CWC27: variants seen among roughly 807,000 people sequenced by gnomAD.
CWC27 encodes the protein spliceosome-associated protein CWC27 homolog.
A neutral mutation model predicts 63.6 loss-of-function variants in CWC27; 47 were observed. The ratio of observed to expected loss-of-function variants is 0.74; its 90% CI spans 0.58 to 0.94. The LOEUF (loss-of-function observed/expected upper bound fraction) is 0.94, where lower values mean the gene tolerates loss of function less well. CWC27 is among the 40% of genes least tolerant of loss of function. The pLI, the probability that CWC27 is intolerant of heterozygous loss-of-function variation, is 0.00. For synonymous variants in CWC27, 175 were observed against 179.8 expected (o/e 0.97, Z 0.22); for missense variants, 495 against 554.3 (o/e 0.89, Z 1.07).
At chr5:64,802,970 A>AT (rs1294698958) in intron 9 of CWC27, among the ~76,000 whole-genome samples, 1 of 151,990 alleles carries the variant, frequency 6.6e-6, no homozygotes, top group Admixed American at 6.6e-5. Flanking sequence ...TTTGCAGGGA[A>AT]TTTTTTTTAG....
chr5:64,782,419 G>T (rs1217471852), intron 3 of CWC27, among the ~76,000 whole-genome samples: 1 of 144,342 alleles, frequency 6.9e-6, no homozygotes, highest in Non-Finnish European at 1.5e-5. Context: ...ATGCACTCCA[G>T]CCTGGGCGAC....
chr5:64,870,011 T>C (rs1746628384), intron 10 of CWC27, among the ~76,000 whole-genome samples: 1 of 152,018 alleles, frequency 6.6e-6, no homozygotes, highest in South Asian at 2.1e-4. Flanking sequence ...AGTGAAAAGG[T>C]ATTAATTCCC....
chr5:64,807,155 A>T (rs1208469075), intron 10 of CWC27, among the ~76,000 whole-genome samples: 2 of 152,174 alleles, frequency 1.3e-5, no homozygotes, highest in Non-Finnish European at 2.9e-5. Context: ...TCATTCTTCC[A>T]TTTAAGCAGT....
At chr5:64,973,311 C>T (rs1749158604) in intron 12 of CWC27, among the ~76,000 whole-genome samples, 2 of 152,190 alleles carry the variant, frequency 1.3e-5, no homozygotes. Flanking sequence ...AGGAAGATCT[C>T]TCTAACTGGG....
At chr5:64,982,422 C>G (rs1749345524) in intron 13 of CWC27, among the ~76,000 whole-genome samples, 1 of 151,926 alleles carries the variant, frequency 6.6e-6, no homozygotes, top group African/African-American at 2.4e-5. Flanking sequence ...GTTCCAGGCT[C>G]AAGTGATCCT....
intron 10 of CWC27, among the ~76,000 whole-genome samples, chr5:64,811,677 A>G (rs1561418296): frequency 6.6e-6 from 1 of 152,052 alleles, no homozygotes; most frequent in Non-Finnish European, 1.5e-5. Flanking sequence ...CATTTTTAAG[A>G]AAAAATGATC....
At chr5:65,003,556 G>A (rs899923208) in intron 13 of CWC27, among the ~76,000 whole-genome samples, 4 of 152,114 alleles carry the variant, frequency 2.6e-5, no homozygotes, top group South Asian at 2.1e-4. Flanking sequence ...TCAGGTATAC[G>A]AGTCCCTTAA....
chr5:64,828,527 A>C (rs73101347), intron 10 of CWC27, among the ~76,000 whole-genome samples: 1 of 151,988 alleles, frequency 6.6e-6, no homozygotes, highest in East Asian at 1.9e-4. Context: ...GTTCATAGGC[A>C]GCTGTCTTTT....
intron 13 of CWC27, among the ~76,000 whole-genome samples, chr5:64,990,240 GTTTTTTTTTTGTTT>G (rs1749508662): frequency 1.3e-5 from 1 of 77,552 alleles, no homozygotes; most frequent in African/African-American, 5.1e-5. Flanking sequence ...GTTTTTATTT[GTTTTTTTTTTGTTT>G]TTTTTTTTTT....
chr5:65,017,543 G>A (rs553815819), intron 13 of CWC27, among the ~76,000 whole-genome samples: 5 of 152,282 alleles, frequency 3.3e-5, no homozygotes, highest in Non-Finnish European at 5.9e-5. Context: ...AGCAGGATTC[G>A]TTAGATTCGT....
At chr5:64,839,739 G>A (rs148178861) in intron 10 of CWC27, among the ~76,000 whole-genome samples, 2,095 of 152,302 alleles carry the variant, frequency 0.014, 27 homozygotes, top group African/African-American at 0.038. Context: ...ATAGATTACA[G>A]TGGGGGAAGA....
intron 11 of CWC27, among the ~76,000 whole-genome samples, chr5:64,940,343 C>T (rs1437831131): frequency 6.6e-6 from 1 of 152,144 alleles, no homozygotes; most frequent in Non-Finnish European, 1.5e-5. Flanking sequence ...CACAGTCCCT[C>T]AGGGCTTCCC....
intron 10 of CWC27, among the ~76,000 whole-genome samples, chr5:64,844,654 G>T (rs1237625547): frequency 6.6e-6 from 1 of 152,204 alleles, no homozygotes; most frequent in Non-Finnish European, 1.5e-5. Flanking sequence ...GAATTTCAGA[G>T]AATTAAATGG....
intron 13 of CWC27, among the ~76,000 whole-genome samples, chr5:65,016,958 G>T (rs1165874084): frequency 6.6e-6 from 1 of 152,130 alleles, no homozygotes; most frequent in Non-Finnish European, 1.5e-5. Context: ...AACCCTATCT[G>T]CTGTGATGAA....
intron 11 of CWC27, among the ~76,000 whole-genome samples, chr5:64,935,329 A>T (rs926657110): frequency 3.9e-5 from 6 of 152,194 alleles, no homozygotes; most frequent in African/African-American, 7.2e-5. Flanking sequence ...ATGGCTAGCC[A>T]GTTTTCCCAA....
At chr5:64,805,455 C>G (rs1011546191) in intron 10 of CWC27, among the ~76,000 whole-genome samples, 15 of 151,658 alleles carry the variant, frequency 9.9e-5, no homozygotes, top group Non-Finnish European at 4.4e-5. Context: ...TGAAAAACCT[C>G]TCATTCACAC....
intron 7 of CWC27, among the ~76,000 whole-genome samples, chr5:64,795,375 C>T (rs149779978): frequency 4.9e-4 from 75 of 152,202 alleles, no homozygotes; most frequent in African/African-American, 1.8e-3. Context: ...AACAAATTGC[C>T]ATAAACTTAG....
chr5:64,814,848 C>G (rs1744982884), intron 10 of CWC27, among the ~76,000 whole-genome samples: 2 of 152,016 alleles, frequency 1.3e-5, no homozygotes, highest in African/African-American at 4.8e-5. Flanking sequence ...TTACACTAGT[C>G]CAGGGAGAAG....
At chr5:64,851,352 C>G (rs1484038396) in intron 10 of CWC27, among the ~76,000 whole-genome samples, 1 of 151,948 alleles carries the variant, frequency 6.6e-6, no homozygotes, top group East Asian at 1.9e-4. Flanking sequence ...AACAGTTAAA[C>G]TCATAGAAGC....
Sources: allele counts gnomAD v4.1 joint callset (sites outside exome capture counted in the v4.1 genomes callset), GRCh38; gene constraint gnomAD v4.1.1; transcripts MANE v1.5; gene names NCBI Gene and HGNC (gene_info 2026-07-23, HGNC 2026-07-21).